The following CNRIP1 variants were observed in gnomAD, a reference collection of about 807,000 sequenced individuals.
CNRIP1 encodes the protein cannabinoid receptor interacting protein 1.
In CNRIP1, 10 loss-of-function variants were observed where a neutral mutation model predicts 15.2. The observed-to-expected ratio is 0.66, with a 90% confidence interval of 0.41 to 1.12. The LOEUF (loss-of-function observed/expected upper bound fraction) is 1.12. Among genes scored for constraint, CNRIP1 ranks in the 50% most tolerant of loss-of-function variants. CNRIP1 has a pLI of 0.00. For missense variants in CNRIP1, 211 were observed against 214.7 expected (o/e 0.98, Z 0.11); for synonymous variants, 91 against 83.2 (o/e 1.09, Z -0.51).
At chr2:68,307,296 A>G (rs1236144319) in intron 2 of CNRIP1, among the ~76,000 whole-genome samples, 1 of 152,180 alleles carries the variant, frequency 6.6e-6, no homozygotes, top group African/African-American at 2.4e-5. Flanking sequence ...ATAGGATTGT[A>G]TATATTGTCT....
Position 68,319,525 on chromosome 2 carries a change from G to C in CNRIP1, c.-125C>G. On this transcript the variant is annotated 5_prime_UTR_variant, in exon 1 of 3. Transcript: ENST00000263655. ...AGGGTGAGGGAGGTGGTGGAGCTGA[G>C]GCTGCCGCTAGGAACCCGCGCCGTC... is the stretch of plus-strand genomic sequence containing the variant. The C allele has an allele frequency of 9.4e-7, 1 of 1,058,798 alleles. No individual in the cohort carries two copies. The highest frequency in any genetic ancestry group is 3.4e-5 in the Admixed American group (1 of 29,292). The allele number at this position is 1,058,798 out of a possible 1,614,324, so 65.6% of individuals were successfully genotyped here.
chr2:68,293,605 A>G lies in CNRIP1; in HGVS notation c.*257T>C, dbSNP rs996893568. On this transcript the variant is annotated 3_prime_UTR_variant, in exon 3 of 3. Transcript: ENST00000263655. ...CCAGTCACAAGTGGTCAAAAGTATG[A>G]CCGAGAACAACTGGATGCAGGAACA... 4 of 1,138,128 alleles carry G rather than the reference A, an allele frequency of 3.5e-6. No individual in the cohort carries two copies. The East Asian group carries it at 1.8e-4, about 51-fold the overall frequency. 70.5% of individuals were successfully genotyped at this position (1,138,128 alleles called of 1,614,324 possible).
At chr2:68,297,598 A>T (rs1671425479) in intron 2 of CNRIP1, among the ~76,000 whole-genome samples, 2 of 142,156 alleles carry the variant, frequency 1.4e-5, no homozygotes, top group Non-Finnish European at 3.1e-5. Flanking sequence ...AAAAAAAAAA[A>T]AGGAAAAAAT....
chr2:68,293,947 C>T lies in CNRIP1; in HGVS notation c.410G>A (p.Gly137Glu). 1 of 1,614,130 alleles carries T rather than the reference C, an allele frequency of 6.2e-7. No individual in the cohort carries two copies. Among genetic ancestry groups the T allele is most frequent in the Non-Finnish European group, 8.5e-7 (1 of 1,180,002 alleles). Residue 137 changes from glycine to glutamate, a missense_variant, in exon 3 of 3, where the codon GGA becomes GAA. By Grantham distance (98) the Gly-to-Glu change is moderately conservative (BLOSUM62 -2). Coordinates refer to ENST00000263655, the MANE Select transcript of CNRIP1 (RefSeq NM_015463.3). Reference protein sequence around the residue: ...NYHKRDHCQWGSPFSVIEYEC... With the variant: ...NYHKRDHCQWESPFSVIEYEC... Reference sequence around the variant, plus strand: ...ATACTCAATGACAGAGAAGGGGCTTCCCCACTGGCAGTGATCCCGCTTGTG... The same window carrying T: ...ATACTCAATGACAGAGAAGGGGCTTTCCCACTGGCAGTGATCCCGCTTGTG...
chr2:68,319,663 C>A lies in CNRIP1; in HGVS notation c.-263G>T, dbSNP rs1385538369. On this transcript the variant is annotated 5_prime_UTR_variant, in exon 1 of 3. Transcript: ENST00000263655. ...CTCCAAGGCCGCGCGCTTCCCCATC[C>A]CCCGCTCCAGTGCTGCGCCCTCCAC... The A allele has an allele frequency of 2.3e-6, 1 of 442,240 alleles. No homozygotes were observed. The highest frequency in any genetic ancestry group is 4.2e-5 in the East Asian group (1 of 23,548). The allele number at this position is 442,240 out of a possible 1,614,324, so 27.4% of individuals were successfully genotyped here. A position where few individuals can be genotyped will look rare whatever the true frequency, so the allele number is the denominator to read the frequency against.
intron 2 of CNRIP1, among the ~76,000 whole-genome samples, chr2:68,311,109 T>C (rs1030213625): frequency 2.6e-5 from 4 of 152,076 alleles, no homozygotes; most frequent in African/African-American, 9.7e-5. Flanking sequence ...GAGAATGAAG[T>C]ATTAAAAAAG....
At chr2:68,292,732 CCAA>C (rs1671208511), downstream of CNRIP1, among the ~76,000 whole-genome samples, 1 of 152,138 alleles carries the variant, frequency 6.6e-6, no homozygotes, top group Non-Finnish European at 1.5e-5. Flanking sequence ...ACATAGCTCA[CCAA>C]CTGGGGAGGG....
At chr2:68,284,304 T>C in exon 3 of CNRIP1, 1 of 567,974 alleles carries the variant, frequency 1.8e-6, no homozygotes. Flanking sequence ...ATCTACATTT[T>C]AACAAGCATC....
At chr2:68,313,216 C>T (rs1244767603) in intron 2 of CNRIP1, among the ~76,000 whole-genome samples, 1 of 152,076 alleles carries the variant, frequency 6.6e-6, no homozygotes, top group Non-Finnish European at 1.5e-5. Context: ...GTATGTAAAG[C>T]AACTAGAATT....
At chr2:68,319,105 C>T in intron 1 of CNRIP1, 117 bp downstream of exon 1, 1 of 1,092,944 alleles carries the variant, frequency 9.1e-7, no homozygotes, top group Non-Finnish European at 1.2e-6. Context: ...ACCCCCGGGC[C>T]CGCTGGGAGC....
At chr2:68,292,370 T>C (rs1671196254), downstream of CNRIP1, among the ~76,000 whole-genome samples, 2 of 152,242 alleles carry the variant, frequency 1.3e-5, no homozygotes, top group African/African-American at 2.4e-5. Context: ...GATTTGGAGG[T>C]AGAAAAGGTG....
intron 2 of CNRIP1, among the ~76,000 whole-genome samples, chr2:68,306,944 G>T (rs1386632046): frequency 6.6e-6 from 1 of 152,156 alleles, no homozygotes; most frequent in Non-Finnish European, 1.5e-5. Flanking sequence ...AGAGGGGAAG[G>T]CTAGGAATGT....
chr2:68,285,640 G>A (rs1354398497), intron 2 of CNRIP1, among the ~76,000 whole-genome samples: 1 of 124,228 alleles, frequency 8.0e-6, no homozygotes, highest in Non-Finnish European at 1.6e-5. Flanking sequence ...GGCTGTTACA[G>A]AGCAAGACCC....
Position 68,311,782 on chromosome 2 carries a change from A to G in CNRIP1, c.330+5375T>C, listed in dbSNP as rs1301132246. On this transcript the variant is annotated intron_variant, in intron 2 of 2. Coordinates refer to ENST00000263655, the MANE Select transcript of CNRIP1 (RefSeq NM_015463.3). Reference sequence around the variant, plus strand: ...AGAGTGAGACTCCATCTCCGGGGAAAAAAAAAAAAAAAAAAAAAAAGAAAA... The same window carrying G: ...AGAGTGAGACTCCATCTCCGGGGAAGAAAAAAAAAAAAAAAAAAAAGAAAA... Among the ~76,000 whole-genome samples, 149 of 148,120 alleles carry G rather than the reference A, an allele frequency of 1.0e-3. 1 individual carries two copies. Among genetic ancestry groups the G allele is most frequent in the African/African-American group, 2.1e-3 (84 of 40,348 alleles).
At chr2:68,290,591 T>C (rs1671143134), downstream of CNRIP1, among the ~76,000 whole-genome samples, 1 of 152,230 alleles carries the variant, frequency 6.6e-6, no homozygotes, top group African/African-American at 2.4e-5. Context: ...TATCTGCCTC[T>C]ACAAATTGTC....
intron 2 of CNRIP1, among the ~76,000 whole-genome samples, chr2:68,307,152 T>A (rs1014931451): frequency 6.6e-6 from 1 of 152,230 alleles, no homozygotes; most frequent in Non-Finnish European, 1.5e-5. Flanking sequence ...TAACTACATA[T>A]CATTGTTACA....
chr2:68,305,591 T>A (rs143025554), intron 2 of CNRIP1, among the ~76,000 whole-genome samples: 1 of 150,938 alleles, frequency 6.6e-6, no homozygotes, highest in African/African-American at 2.4e-5. Context: ...GTCAGGAGAT[T>A]GAGACCATCC....
chr2:68,301,058 A>G (rs1428212919), intron 2 of CNRIP1, among the ~76,000 whole-genome samples: 1 of 152,250 alleles, frequency 6.6e-6, no homozygotes, highest in Non-Finnish European at 1.5e-5. Context: ...TATGTAGCCA[A>G]TATTGCCCTA....
chr2:68,314,545 A>G (rs932366404), intron 2 of CNRIP1, among the ~76,000 whole-genome samples: 1 of 152,076 alleles, frequency 6.6e-6, no homozygotes, highest in Non-Finnish European at 1.5e-5. Context: ...CAGGAAAAAA[A>G]AAGACAGTTA....
Sources: gnomAD v4.1 joint callset for allele counts (sites outside exome capture counted in the v4.1 genomes callset) on GRCh38, gnomAD v4.1.1 for gene constraint, MANE v1.5 for transcripts, NCBI Gene and HGNC (gene_info 2026-07-23, HGNC 2026-07-21) for gene names.